GNL3L: variants seen among roughly 807,000 people sequenced by gnomAD.
The protein encoded by GNL3L is G protein nucleolar 3 like, also known as guanine nucleotide-binding protein-like 3-like protein.
GNL3L carries 4 observed loss-of-function variants against 42.9 expected under a neutral mutation model. That is an observed-to-expected ratio of 0.09 (90% CI 0.05 to 0.21). GNL3L has a LOEUF of 0.21. Among genes scored for constraint, GNL3L ranks in the 10% least tolerant of loss-of-function variants. GNL3L has a pLI of 1.00. For synonymous variants in GNL3L, 159 were observed against 176.3 expected, an observed-to-expected ratio of 0.90 and a Z score of 0.78; for missense variants, 412 against 481.7, an observed-to-expected ratio of 0.86 and a Z score of 1.36.
downstream of GNL3L, among the ~76,000 whole-genome samples, chrX:54,624,949 A>G (rs1926338229): frequency 9.0e-6 from 1 of 111,713 alleles, no homozygotes; most frequent in Non-Finnish European, 1.9e-5. Context: ...TATAGTAAAT[A>G]CTTAAACCAG....
At chrX:54,586,737 C>A (rs1925787822) in intron 16 of GNL3L, among the ~76,000 whole-genome samples, 1 of 112,181 alleles carries the variant, frequency 8.9e-6, no homozygotes, top group South Asian at 3.7e-4. Context: ...CAGACAGCAT[C>A]TATAGCACCA....
intron 2 of GNL3L, among the ~76,000 whole-genome samples, chrX:54,533,146 C>G (rs1251892669): frequency 1.8e-5 from 2 of 110,759 alleles, no homozygotes. Flanking sequence ...AGGTGAATTG[C>G]GATAAAAACA....
downstream of GNL3L, among the ~76,000 whole-genome samples, chrX:54,569,788 CT>C (rs1454146541): frequency 8.9e-6 from 1 of 111,765 alleles, no homozygotes; most frequent in African/African-American, 3.2e-5. Flanking sequence ...TTTCGTTTTG[CT>C]TATTATCCAA....
At chrX:54,560,424 G>T in intron 15 of GNL3L, 96 bp from the exon 16 acceptor site, 1 of 566,925 alleles carries the variant, frequency 1.8e-6, no homozygotes. Flanking sequence ...CAGTTCAGGA[G>T]CTTGGTGTAG....
the GNL3L span, among the ~76,000 whole-genome samples, chrX:54,645,069 G>C: frequency 1.8e-5 from 2 of 111,649 alleles, no homozygotes; most frequent in East Asian, 5.5e-4. Context: ...GCAATTACCA[G>C]TACGTCACTA....
At chrX:54,615,870 G>A (rs1255824614) in intron 16 of GNL3L, among the ~76,000 whole-genome samples, 3 of 111,805 alleles carry the variant, frequency 2.7e-5, no homozygotes, top group African/African-American at 9.8e-5. Flanking sequence ...ACTCCCAGAA[G>A]CCAGTACTTC....
At chrX:54,559,511 A>G (rs775405692) in intron 15 of GNL3L, among the ~76,000 whole-genome samples, 13 of 111,896 alleles carry the variant, frequency 1.2e-4, no homozygotes, top group African/African-American at 3.9e-4. Context: ...TCTACTGGAC[A>G]CATGGTTTTG....
chrX:54,575,702 C>T (rs1002443473), intron 16 of GNL3L, among the ~76,000 whole-genome samples: 2 of 110,590 alleles, frequency 1.8e-5, no homozygotes, highest in African/African-American at 3.3e-5. Flanking sequence ...CCACTGCACT[C>T]CAGCCTGGGT....
At chrX:54,610,699 C>G (rs1288416572) in intron 16 of GNL3L, among the ~76,000 whole-genome samples, 1 of 111,686 alleles carries the variant, frequency 9.0e-6, no homozygotes, top group African/African-American at 3.3e-5. Flanking sequence ...GTATGAAACC[C>G]ACTTGATCAT....
intron 16 of GNL3L, among the ~76,000 whole-genome samples, chrX:54,589,365 C>T (rs1925836378): frequency 9.0e-6 from 1 of 110,524 alleles, no homozygotes; most frequent in African/African-American, 3.3e-5. Context: ...GTCCCATTAA[C>T]CATCCCTACT....
At position 54,583,297 on chromosome X, in the gene GNL3L, A is replaced by T. The variant is rs1255206227; in HGVS notation, c.*45+22650A>T. 2.7e-5 allele frequency among the ~76,000 whole-genome samples: 3 copies of T among 110,706 alleles called. No individual in the cohort carries two copies. In the Admixed American group the frequency reaches 2.9e-4, roughly 11 times the overall value. On this transcript the variant is annotated intron_variant, in intron 16 of 16. Transcript: ENST00000674498. ...AACCTCCGCCTCCTGGGTTCAAGCG[A>T]TTCTTCTGCCTCAGCCTCCTGAGTA...
At chrX:54,629,634 TTTTGATATGCTGTTGGA>T in the GNL3L span, among the ~76,000 whole-genome samples, 1 of 111,933 alleles carries the variant, frequency 8.9e-6, no homozygotes, top group Non-Finnish European at 1.9e-5. Flanking sequence ...TGGATTATCT[TTTTGATATGCTGTTGGA>T]TTTGGTTAGC....
In GNL3L at chrX:54,594,144, T is replaced by G. The variant is rs1340289882; in HGVS notation, c.*46-26701T>G. Among the ~76,000 whole-genome samples the G allele has an allele frequency of 1.3e-4, 14 of 111,294 alleles. 2 individuals are homozygous for G. In the Admixed American group the frequency reaches 1.3e-3, roughly 11 times the overall value. On this transcript the variant is annotated intron_variant, in intron 16 of 16. Coordinates refer to the GNL3L transcript ENST00000674498. ...TTTATTCTATACTGTAGATTAAGTC[T>G]GATTTTTTTTGGTTGATTTTCTCTC...
intron 16 of GNL3L, among the ~76,000 whole-genome samples, chrX:54,573,738 T>G (rs1458727956): frequency 9.0e-6 from 1 of 111,582 alleles, no homozygotes; most frequent in East Asian, 2.8e-4. Flanking sequence ...TTTACCTGTT[T>G]GAACATACGG....
At chrX:54,589,595 A>G (rs764440649) in intron 16 of GNL3L, among the ~76,000 whole-genome samples, 1 of 111,602 alleles carries the variant, frequency 9.0e-6, no homozygotes, top group Admixed American at 9.5e-5. Context: ...ACTGAATAGT[A>G]CTCCATTTTG....
the GNL3L span, among the ~76,000 whole-genome samples, chrX:54,631,673 G>A: frequency 9.0e-6 from 1 of 111,554 alleles, no homozygotes; most frequent in Non-Finnish European, 1.9e-5. Context: ...TGTTAGGTGA[G>A]TCTCTTGAAG....
chrX:54,534,560 A>G (rs1400507971), intron 2 of GNL3L, among the ~76,000 whole-genome samples: 1 of 111,668 alleles, frequency 9.0e-6, no homozygotes, highest in Non-Finnish European at 1.9e-5. Flanking sequence ...TCTGCTTTTG[A>G]GTACTGATGA....
intron 3 of GNL3L, 83 bp from the exon 4 acceptor site, chrX:54,540,048 TCTTC>T: frequency 1.8e-6 from 1 of 556,018 alleles, no homozygotes; most frequent in Non-Finnish European, 3.1e-6. Context: ...GGGGATGTTG[TCTTC>T]CTTCTAGGGC....
At position 54,551,009 on chromosome X, in the gene GNL3L, C is replaced by A; in HGVS notation, c.822C>A (p.Arg274=). Residue 274 remains arginine, a synonymous_variant, in exon 10 of 16, where the codon CGC becomes CGA. Coordinates refer to ENST00000360845, the MANE Select transcript of GNL3L (RefSeq NM_001184819.2). The part of the protein sequence containing the change: ...GKSSLINSLK[R]SRACSVGAVP... ...GCAGCCTGATCAATAGCCTGAAGCG[C>A]AGCCGCGCATGCAGCGTGGGAGCTG... 8.6e-7 allele frequency: 1 copy of A among 1,164,957 alleles called. No homozygotes were observed. Among genetic ancestry groups the A allele is most frequent in the Non-Finnish European group, 1.2e-6 (1 of 852,745 alleles).
Sources: allele counts gnomAD v4.1 joint callset (sites outside exome capture counted in the v4.1 genomes callset), GRCh38; gene constraint gnomAD v4.1.1; transcripts MANE v1.5; gene names NCBI Gene and HGNC (gene_info 2026-07-23, HGNC 2026-07-21).